Variants in TTLL5 observed in about 807,000 individuals in gnomAD.
TTLL5 encodes the protein tubulin polyglutamylase TTLL5.
In TTLL5, 132 loss-of-function variants were observed where a neutral mutation model predicts 168.4. That is an observed-to-expected ratio of 0.78 (90% CI 0.68 to 0.91). TTLL5 has a LOEUF of 0.91. Ranked by LOEUF, TTLL5 falls within the 40% of genes least tolerant of loss-of-function variation. The pLI, the probability that TTLL5 is intolerant of heterozygous loss-of-function variation, is 0.00. For synonymous variants in TTLL5, 546 were observed against 558.6 expected, an observed-to-expected ratio of 0.98 and a Z score of 0.32; for missense variants, 1,545 against 1,581.5, an observed-to-expected ratio of 0.98 and a Z score of 0.39.
chr14:75,880,708 G>A (rs1024196284), intron 29 of TTLL5, among the ~76,000 whole-genome samples: 3 of 152,308 alleles, frequency 2.0e-5, no homozygotes, highest in African/African-American at 7.2e-5. Flanking sequence ...GGAAACAACA[G>A]CTGCAAAGAA....
At chr14:75,857,157 A>G (rs1897172434) in intron 28 of TTLL5, among the ~76,000 whole-genome samples, 1 of 152,204 alleles carries the variant, frequency 6.6e-6, no homozygotes, top group Admixed American at 6.5e-5. Context: ...ACTGCTGTTG[A>G]ATAGAAATGT....
intron 31 of TTLL5, chr14:75,902,561 T>C (rs2140090139): frequency 2.1e-6 from 1 of 482,408 alleles, no homozygotes; most frequent in South Asian, 1.5e-5. Flanking sequence ...CACTTAATTC[T>C]CACACAGCCC....
chr14:75,886,947 G>A lies in TTLL5; in HGVS notation c.3740+4045G>A, dbSNP rs114445770. Reference sequence around the variant, plus strand: ...TTGAAAGGGTGGGGCCAAAGATGTTGTAACCTGGGAGACTTCTCTGAAGAA... The same window carrying A: ...TTGAAAGGGTGGGGCCAAAGATGTTATAACCTGGGAGACTTCTCTGAAGAA... On this transcript the variant is annotated intron_variant, in intron 30 of 31. Transcript: ENST00000298832. The A allele has an allele frequency of 2.4e-3, 3,363 of 1,422,976 alleles. 64 individuals are homozygous for A. In the African/African-American group the frequency reaches 0.043, roughly 18 times the overall value. The allele number at this position is 1,422,976 out of a possible 1,614,324, so 88.1% of individuals were successfully genotyped here. A position where few individuals can be genotyped will look rare whatever the true frequency, so the allele number is the denominator to read the frequency against.
At chr14:75,895,873 C>G (rs952059766) in intron 30 of TTLL5, among the ~76,000 whole-genome samples, 5 of 152,128 alleles carry the variant, frequency 3.3e-5, no homozygotes, top group Admixed American at 1.3e-4. Flanking sequence ...CCAACTGTAT[C>G]TGGCATGTGG....
chr14:75,690,373 A>G (rs754465234), intron 6 of TTLL5, 51 bp downstream of exon 6: 2 of 1,547,554 alleles, frequency 1.3e-6, no homozygotes, highest in Non-Finnish European at 1.7e-6. Context: ...AACCTGGGGA[A>G]TATTTACCCC....
chr14:75,881,817 A>T (rs981337325), intron 29 of TTLL5, among the ~76,000 whole-genome samples: 1 of 152,228 alleles, frequency 6.6e-6, no homozygotes, highest in African/African-American at 2.4e-5. Flanking sequence ...AAGACTAGTA[A>T]CAAAATTGAG....
At chr14:75,841,498 A>G (rs1896242354) in intron 28 of TTLL5, among the ~76,000 whole-genome samples, 1 of 151,988 alleles carries the variant, frequency 6.6e-6, no homozygotes, top group African/African-American at 2.4e-5. Flanking sequence ...CTTCTTTCCT[A>G]TTTATTCCTT....
chr14:75,881,347 C>T (rs1315952670), intron 29 of TTLL5, among the ~76,000 whole-genome samples: 1 of 152,178 alleles, frequency 6.6e-6, no homozygotes, highest in Admixed American at 6.5e-5. Flanking sequence ...GACCCTTTAC[C>T]TCTGAAATCT....
chr14:75,738,815 A>G (rs1889065516), intron 15 of TTLL5, among the ~76,000 whole-genome samples: 1 of 152,044 alleles, frequency 6.6e-6, no homozygotes, highest in Non-Finnish European at 1.5e-5. Flanking sequence ...ATTTTTACTT[A>G]CTTATTTGAG....
intron 28 of TTLL5, among the ~76,000 whole-genome samples, chr14:75,834,857 G>A (rs1183433022): frequency 6.6e-6 from 1 of 152,112 alleles, no homozygotes; most frequent in Non-Finnish European, 1.5e-5. Flanking sequence ...CTTGAGCCCA[G>A]GAGTTTGAGA....
chr14:75,921,154 A>C (rs909159331), intron 31 of TTLL5, among the ~76,000 whole-genome samples: 1 of 151,836 alleles, frequency 6.6e-6, no homozygotes, highest in African/African-American at 2.4e-5. Flanking sequence ...GATTGCAAAA[A>C]TTTTCTCCCA....
chr14:75,825,963 G>A (rs758299945), intron 28 of TTLL5, among the ~76,000 whole-genome samples: 5 of 152,022 alleles, frequency 3.3e-5, no homozygotes, highest in Non-Finnish European at 5.9e-5. Flanking sequence ...CTCCTTCACC[G>A]AGAGAGCTGA....
intron 30 of TTLL5, 79 bp downstream of exon 30, chr14:75,882,981 G>T (rs2031897493): frequency 2.8e-6 from 4 of 1,449,622 alleles, no homozygotes; most frequent in Middle Eastern, 1.8e-4. Context: ...TACTCTTCAA[G>T]ACCGTTCGTA....
intron 17 of TTLL5, among the ~76,000 whole-genome samples, chr14:75,752,067 ACAACCATTGTTC>A (rs1472006561): frequency 1.3e-5 from 2 of 152,092 alleles, no homozygotes; most frequent in African/African-American, 4.8e-5. Flanking sequence ...AGCAGTGAGG[ACAACCATTGTTC>A]CTCTCACTGC....
chr14:75,706,059 T>C (rs756859045), intron 7 of TTLL5, among the ~76,000 whole-genome samples: 2 of 152,156 alleles, frequency 1.3e-5, no homozygotes, highest in Non-Finnish European at 2.9e-5. Flanking sequence ...GGTCTGTGAA[T>C]CGGCCCACCC....
chr14:75,713,154 A>G (rs1020599546), intron 9 of TTLL5, among the ~76,000 whole-genome samples: 2 of 152,264 alleles, frequency 1.3e-5, no homozygotes, highest in Non-Finnish European at 2.9e-5. Context: ...CATGTGCTTT[A>G]TAACAATGGG....
chr14:75,881,599 T>A (rs937145554), intron 29 of TTLL5, among the ~76,000 whole-genome samples: 1 of 152,224 alleles, frequency 6.6e-6, no homozygotes, highest in Non-Finnish European at 1.5e-5. Context: ...GTCTAGAAGA[T>A]GAATATTTCC....
intron 17 of TTLL5, among the ~76,000 whole-genome samples, chr14:75,748,151 C>T (rs1324368969): frequency 1.3e-5 from 2 of 152,084 alleles, no homozygotes; most frequent in African/African-American, 2.4e-5. Context: ...TGTCTGAAAA[C>T]AGTTATTTCA....
At chr14:75,776,878 C>T (rs1427456396) in intron 23 of TTLL5, 28 bp downstream of exon 23, 1 of 1,546,272 alleles carries the variant, frequency 6.5e-7, no homozygotes, top group South Asian at 1.1e-5. Context: ...TTGATAAAAG[C>T]TGTCTTATTC....
Sources: allele counts gnomAD v4.1 joint callset (sites outside exome capture counted in the v4.1 genomes callset), GRCh38; gene constraint gnomAD v4.1.1; transcripts MANE v1.5; gene names NCBI Gene and HGNC (gene_info 2026-07-23, HGNC 2026-07-21).